CALN1: variants seen among roughly 807,000 people sequenced by gnomAD.
The protein encoded by CALN1 is calcium-binding protein 8.
In CALN1, 17 loss-of-function variants were observed where a neutral mutation model predicts 30.6. That is an observed-to-expected ratio of 0.56 (90% CI 0.38 to 0.83). CALN1 has a LOEUF of 0.83. CALN1 is among the 40% of genes least tolerant of loss of function. The pLI is 0.00. For synonymous variants in CALN1, 156 were observed against 131.4 expected (o/e 1.19, Z -1.28); for missense variants, 291 against 354.9 (o/e 0.82, Z 1.45).
chr7:72,053,188 C>T (rs1026227285), intron 4 of CALN1, among the ~76,000 whole-genome samples: 3 of 152,172 alleles, frequency 2.0e-5, no homozygotes, highest in African/African-American at 7.2e-5. Flanking sequence ...CATGATCTCA[C>T]CACTGCACTC....
intron 3 of CALN1, among the ~76,000 whole-genome samples, chr7:72,232,612 C>T (rs1248679963): frequency 1.6e-5 from 1 of 61,092 alleles, no homozygotes; most frequent in African/African-American, 1.7e-4. Context: ...AAGCACCTGC[C>T]ACCATGCTGG....
intron 5 of CALN1, among the ~76,000 whole-genome samples, chr7:71,858,902 T>G (rs1256072192): frequency 3.9e-5 from 6 of 152,208 alleles, no homozygotes; most frequent in Admixed American, 3.9e-4. Flanking sequence ...TGAGGCTGTG[T>G]CACGGGCACG....
chr7:72,080,537 G>T (rs566524535), intron 4 of CALN1, among the ~76,000 whole-genome samples: 28 of 152,302 alleles, frequency 1.8e-4, no homozygotes, highest in Middle Eastern at 3.4e-3. Context: ...TGAACAAGCT[G>T]GTTGTTAATT....
intron 3 of CALN1, among the ~76,000 whole-genome samples, chr7:72,128,335 A>G (rs1362831946): frequency 6.6e-6 from 1 of 152,212 alleles, no homozygotes; most frequent in Non-Finnish European, 1.5e-5. Flanking sequence ...AATAATGGGG[A>G]AAGATGAATC....
intron 5 of CALN1, among the ~76,000 whole-genome samples, chr7:71,953,146 C>T (rs987895896): frequency 1.3e-5 from 2 of 151,984 alleles, no homozygotes; most frequent in African/African-American, 2.4e-5. Flanking sequence ...TTTGCAGGAA[C>T]GGGATCTCGT....
chr7:72,191,160 C>G (rs746622507), intron 3 of CALN1, among the ~76,000 whole-genome samples: 1 of 152,140 alleles, frequency 6.6e-6, no homozygotes, highest in Non-Finnish European at 1.5e-5. Flanking sequence ...TAAAGTCATG[C>G]GAGCAGGCTG....
At chr7:71,884,103 C>T (rs916336501) in intron 5 of CALN1, among the ~76,000 whole-genome samples, 5 of 152,006 alleles carry the variant, frequency 3.3e-5, no homozygotes, top group African/African-American at 7.2e-5. Context: ...TTAATAAAGA[C>T]GAGGTTTCAC....
At chr7:72,205,200 C>A (rs28516777) in intron 3 of CALN1, among the ~76,000 whole-genome samples, 1 of 150,842 alleles carries the variant, frequency 6.6e-6, no homozygotes, top group African/African-American at 2.4e-5. Flanking sequence ...TTTATTTTTG[C>A]TTTTCTTTTG....
intron 5 of CALN1, among the ~76,000 whole-genome samples, chr7:71,850,094 T>C (rs562579538): frequency 3.0e-4 from 45 of 152,174 alleles, no homozygotes; most frequent in African/African-American, 1.1e-3. Context: ...AGGATTCTTG[T>C]GAAAGGAAAA....
chr7:72,363,926 G>A (rs1260298548), intron 2 of CALN1, among the ~76,000 whole-genome samples: 1 of 151,514 alleles, frequency 6.6e-6, no homozygotes, highest in Non-Finnish European at 1.5e-5. Flanking sequence ...GTAGAGAAGG[G>A]TTTTCACCAC....
chr7:72,051,878 A>T (rs1195426979), intron 4 of CALN1, among the ~76,000 whole-genome samples: 1 of 152,214 alleles, frequency 6.6e-6, no homozygotes, highest in Admixed American at 6.5e-5. Flanking sequence ...AACAAGGACA[A>T]GAATAATCCT....
At chr7:72,349,282 TTGTGTGTGTGTGTGTGTGTGTG>T (rs3032183) in intron 2 of CALN1, among the ~76,000 whole-genome samples, 5 of 147,754 alleles carry the variant, frequency 3.4e-5, no homozygotes, top group African/African-American at 1.0e-4. Context: ...ACACGCGTGC[TTGTGTGTGTGTGTGTGTGTGTG>T]TGTGTGTGTG....
In CALN1 at chr7:71,904,198, G is replaced by C. The variant is rs547497232; in HGVS notation, c.502-93706C>G. Among the ~76,000 whole-genome samples the C allele has an allele frequency of 3.3e-5, 5 of 152,216 alleles. No homozygotes were observed. The South Asian group carries it at 1.0e-3, about 32-fold the overall frequency. ...CTAAGACCCAGCAATCCCACTACTG[G>C]GTACATGTCCAGAGGAAATGAAATC... is the stretch of plus-strand genomic sequence containing the variant. On this transcript the variant is annotated intron_variant, in intron 5 of 6. Coordinates refer to ENST00000395275, the MANE Select transcript of CALN1 (RefSeq NM_031468.4).
intron 5 of CALN1, among the ~76,000 whole-genome samples, chr7:71,856,916 T>C (rs535544731): frequency 2.6e-5 from 4 of 151,932 alleles, no homozygotes; most frequent in Non-Finnish European, 5.9e-5. Flanking sequence ...GATCGTGCCA[T>C]TGCACTCCAG....
chr7:71,811,868 G>A (rs1020708468), intron 5 of CALN1, among the ~76,000 whole-genome samples: 25 of 151,650 alleles, frequency 1.6e-4, no homozygotes, highest in East Asian at 4.0e-4. Context: ...TAGTAGAGAC[G>A]GGGTTTCGCC....
intron 2 of CALN1, among the ~76,000 whole-genome samples, chr7:72,393,076 G>A (rs1429276514): frequency 6.6e-6 from 1 of 151,808 alleles, no homozygotes; most frequent in Non-Finnish European, 1.5e-5. Context: ...TTTTTTCCAT[G>A]AAAGGGTTTC....
At chr7:72,054,503 A>T in intron 4 of CALN1, among the ~76,000 whole-genome samples, 1 of 104,808 alleles carries the variant, frequency 9.5e-6, no homozygotes, top group African/African-American at 7.1e-5. Context: ...ATATATACAT[A>T]TATATACATA....
chr7:72,143,151 A>C (rs1043595747), intron 3 of CALN1, among the ~76,000 whole-genome samples: 3 of 151,990 alleles, frequency 2.0e-5, no homozygotes, highest in Admixed American at 1.3e-4. Flanking sequence ...TTGAGAGAAG[A>C]AGGCTACAGA....
intron 2 of CALN1, among the ~76,000 whole-genome samples, chr7:72,307,316 G>A (rs371992592): frequency 2.6e-5 from 4 of 152,286 alleles, no homozygotes; most frequent in East Asian, 3.9e-4. Context: ...TTGACAGCAT[G>A]AGAATGTTTG....
Sources: gnomAD v4.1 joint callset for allele counts (sites outside exome capture counted in the v4.1 genomes callset) on GRCh38, gnomAD v4.1.1 for gene constraint, MANE v1.5 for transcripts, NCBI Gene and HGNC (gene_info 2026-07-23, HGNC 2026-07-21) for gene names.